The following DMD variants were observed in gnomAD, a reference collection of about 807,000 sequenced individuals.
DMD encodes mutant dystrophin.
DMD carries 63 observed loss-of-function variants against 330.1 expected under a neutral mutation model. The ratio of observed to expected loss-of-function variants is 0.19; its 90% CI spans 0.16 to 0.24. The LOEUF is 0.24. Among genes scored for constraint, DMD ranks in the 10% least tolerant of loss-of-function variants. DMD has a pLI of 1.00. For missense variants in DMD, 3,344 were observed against 2,684.1 expected, an observed-to-expected ratio of 1.25 and a Z score of -5.43; for synonymous variants, 1,223 against 959.8, an observed-to-expected ratio of 1.27 and a Z score of -5.07.
At chrX:31,593,353 G>A (rs942855039) in intron 55 of DMD, among the ~76,000 whole-genome samples, 1 of 111,124 alleles carries the variant, frequency 9.0e-6, no homozygotes, top group Non-Finnish European at 1.9e-5. Context: ...CCAGAGCTTC[G>A]CTGCACATTA....
At chrX:33,129,823 G>A (rs2095488787) in intron 1 of DMD, among the ~76,000 whole-genome samples, 1 of 111,724 alleles carries the variant, frequency 9.0e-6, no homozygotes, top group Admixed American at 9.6e-5. Context: ...GGAAATGGAG[G>A]TTGCCTAACT....
At chrX:32,410,394 G>A (rs2098136777) in intron 30 of DMD, among the ~76,000 whole-genome samples, 1 of 111,668 alleles carries the variant, frequency 9.0e-6, no homozygotes, top group Admixed American at 9.6e-5. Context: ...CATATTATCA[G>A]GGACATTCTT....
intron 9 of DMD, among the ~76,000 whole-genome samples, chrX:32,670,597 C>T (rs1172141618): frequency 9.0e-6 from 1 of 111,673 alleles, no homozygotes; most frequent in Non-Finnish European, 1.9e-5. Flanking sequence ...ATGAATGCTA[C>T]CTAAATTATC....
At chrX:31,854,060 T>C (rs989102550) in intron 48 of DMD, among the ~76,000 whole-genome samples, 1 of 112,088 alleles carries the variant, frequency 8.9e-6, no homozygotes, top group African/African-American at 3.2e-5. Flanking sequence ...TAAAGAGAGA[T>C]ACCCGATGCT....
At chrX:32,823,013 G>GA (rs910187307) in intron 5 of DMD, among the ~76,000 whole-genome samples, 4 of 111,199 alleles carry the variant, frequency 3.6e-5, no homozygotes, top group African/African-American at 1.3e-4. Context: ...ATACATTTGT[G>GA]AAAAAAATTA....
Position 32,595,819 on chromosome X carries a change from C to T in DMD, c.1540G>A (p.Val514Met), listed in dbSNP as rs1045384313. The part of the protein sequence containing the change: ...QVRVNSLTHM[V>M]VVVDESSGDH... ...CCACTAGATTCATCAACTACCACCACCATGTGAGTGAGAGAATTGACCCTG... is the reference window on the plus strand; with the variant it reads ...CCACTAGATTCATCAACTACCACCATCATGTGAGTGAGAGAATTGACCCTG... Residue 514 changes from valine (V) to methionine (M), a missense_variant, in exon 13 of 79, where the codon GTG (valine) becomes ATG (methionine). Val to Met is a conservative substitution (Grantham distance 21). Coordinates refer to ENST00000357033, the MANE Select transcript of DMD (RefSeq NM_004006.3). 1.7e-6 allele frequency: 2 copies of T among 1,202,501 alleles called. No homozygotes were observed. The highest frequency in any genetic ancestry group is 1.8e-5 in the South Asian group (1 of 56,792).
chrX:31,733,978 A>G (rs1443700796), intron 51 of DMD, among the ~76,000 whole-genome samples: 1 of 111,285 alleles, frequency 9.0e-6, no homozygotes, highest in Non-Finnish European at 1.9e-5. Flanking sequence ...AACTTCATAA[A>G]TATCTTCCAA....
chrX:32,887,776 A>AGG lies in DMD; in HGVS notation c.94-37957_94-37956insCC, dbSNP rs1259032561. The stretch of plus-strand genomic sequence containing the variant: ...AAAAAAAAAAAAAAAAAAAAAAAAA[A>AGG]CATCAACTAAAAGCTTATGACATTG... On this transcript the variant is annotated intron_variant, in intron 2 of 78. Coordinates refer to ENST00000357033, the MANE Select transcript of DMD (RefSeq NM_004006.3). Among the ~76,000 whole-genome samples the AGG allele has an allele frequency of 4.4e-3, 417 of 95,077 alleles. 3 individuals carry two copies. The highest frequency in any genetic ancestry group is 0.015 in the African/African-American group (388 of 25,974). The allele number at this position is 95,077 out of a possible 115,157, so 82.6% of individuals were successfully genotyped here.
chrX:32,434,986 GA>G (rs1216923205), intron 29 of DMD, among the ~76,000 whole-genome samples: 2 of 105,464 alleles, frequency 1.9e-5, no homozygotes, highest in African/African-American at 6.6e-5. Flanking sequence ...ACACAGCTAG[GA>G]CTGATAATAG....
intron 1 of DMD, among the ~76,000 whole-genome samples, chrX:33,173,187 G>C (rs563495056): frequency 9.0e-6 from 1 of 111,263 alleles, no homozygotes; most frequent in East Asian, 2.8e-4. Flanking sequence ...TTAACTTGGA[G>C]TCCAGTGGTC....
intron 44 of DMD, among the ~76,000 whole-genome samples, chrX:32,126,978 T>C (rs1421633773): frequency 8.9e-6 from 1 of 112,277 alleles, no homozygotes; most frequent in African/African-American, 3.2e-5. Flanking sequence ...GCTTAGTTTA[T>C]TTTTGTGTAT....
At chrX:32,449,141 G>A (rs757383814) in intron 26 of DMD, among the ~76,000 whole-genome samples, 10 of 110,745 alleles carry the variant, frequency 9.0e-5, no homozygotes, top group Admixed American at 3.8e-4. Flanking sequence ...AGAAAGTTTC[G>A]TTCGAGAATT....
chrX:32,508,090 G>C (rs1012242097), intron 18 of DMD, among the ~76,000 whole-genome samples: 1 of 110,579 alleles, frequency 9.0e-6, no homozygotes, highest in Non-Finnish European at 1.9e-5. Context: ...ATTCAGCAGG[G>C]CCAACAAGAT....
chrX:31,467,200 T>G (rs996631880), intron 59 of DMD, among the ~76,000 whole-genome samples: 2 of 111,726 alleles, frequency 1.8e-5, no homozygotes, highest in African/African-American at 6.5e-5. Context: ...TCCAATATTA[T>G]GTTGAATACG....
chrX:32,791,921 T>C (rs1344889108), intron 7 of DMD, among the ~76,000 whole-genome samples: 2 of 111,790 alleles, frequency 1.8e-5, no homozygotes, highest in Non-Finnish European at 1.9e-5. Flanking sequence ...AAAAATGTCT[T>C]GTCCATGACA....
At chrX:32,489,681 C>T (rs1355479691) in intron 20 of DMD, among the ~76,000 whole-genome samples, 2 of 111,609 alleles carry the variant, frequency 1.8e-5, no homozygotes, top group African/African-American at 6.5e-5. Context: ...TTCTTAAACA[C>T]ATTAGAGACA....
chrX:31,257,743 G>T (rs1204361394), intron 63 of DMD, among the ~76,000 whole-genome samples: 2 of 111,732 alleles, frequency 1.8e-5, no homozygotes, highest in Non-Finnish European at 3.8e-5. Context: ...TCAGGAGTTC[G>T]AGACCAGCCT....
intron 11 of DMD, among the ~76,000 whole-genome samples, chrX:32,630,631 G>C (rs2058671303): frequency 9.0e-6 from 1 of 110,974 alleles, no homozygotes; most frequent in African/African-American, 3.3e-5. Flanking sequence ...GCATTCTTCA[G>C]TATGTCAGTT....
chrX:32,716,395 C>A (rs2065734474), intron 7 of DMD, among the ~76,000 whole-genome samples: 2 of 110,990 alleles, frequency 1.8e-5, no homozygotes, highest in Admixed American at 1.9e-4. Context: ...TAAGATGTGC[C>A]TGCTTCCCCT....
Sources: allele counts gnomAD v4.1 joint callset (sites outside exome capture counted in the v4.1 genomes callset), GRCh38; gene constraint gnomAD v4.1.1; transcripts MANE v1.5; gene names NCBI Gene and HGNC (gene_info 2026-07-23, HGNC 2026-07-21).